The following DCC variants were observed in gnomAD, a reference collection of about 807,000 sequenced individuals.
The protein encoded by DCC is netrin receptor DCC.
In DCC, 58 loss-of-function variants were observed where a neutral mutation model predicts 172.5. That is an observed-to-expected ratio of 0.34 (90% CI 0.27 to 0.42). The LOEUF is 0.42. Ranked by LOEUF, DCC falls within the 10% of genes least tolerant of loss-of-function variation. The probability of loss-of-function intolerance (pLI) is 1.00; values close to 1 mark genes in which losing one functional copy is unlikely to be tolerated. For synonymous variants in DCC, 709 were observed against 644.5 expected (o/e 1.10, Z -1.52); for missense variants, 1,740 against 1,791.0 (o/e 0.97, Z 0.51).
chr18:53,486,773 C>A (rs757557630), intron 25 of DCC, 24 bp from the exon 26 acceptor site: 21 of 1,613,990 alleles, frequency 1.3e-5, no homozygotes, highest in East Asian at 2.2e-5. Context: ...GTTCAAAAAA[C>A]CCATTAACCT....
At chr18:53,227,015 T>C (rs2056043874) in intron 12 of DCC, among the ~76,000 whole-genome samples, 1 of 145,924 alleles carries the variant, frequency 6.9e-6, no homozygotes, top group Non-Finnish European at 1.5e-5. Context: ...AGTGGTGTGA[T>C]CTTGACTCAG....
intron 5 of DCC, among the ~76,000 whole-genome samples, chr18:52,974,937 G>A (rs1470261184): frequency 6.6e-6 from 1 of 152,150 alleles, no homozygotes; most frequent in Non-Finnish European, 1.5e-5. Flanking sequence ...TATGTTAAAA[G>A]TTTGTTAGAT....
Position 52,362,019 on chromosome 18 carries a change from C to A in DCC, c.91+21141C>A, listed in dbSNP as rs182603742. Among the ~76,000 whole-genome samples, 10 of 152,304 alleles carry A rather than the reference C, an allele frequency of 6.6e-5. No individual in the cohort carries two copies. The East Asian group carries it at 1.9e-3, about 29-fold the overall frequency. On this transcript the variant is annotated intron_variant, in intron 1 of 28. Coordinates refer to ENST00000442544, the MANE Select transcript of DCC (RefSeq NM_005215.4). ...ATTCTCATCCATACCTCTGAAGTCCCAAGGCACTAAAGACCACATTGATTG... is the reference window on the plus strand; with the variant it reads ...ATTCTCATCCATACCTCTGAAGTCCAAAGGCACTAAAGACCACATTGATTG...
rs570869189 is a variant in DCC, at chr18:52,431,917, A to G, written c.91+91039A>G. On this transcript the variant is annotated intron_variant, in intron 1 of 28. Coordinates refer to ENST00000442544, the MANE Select transcript of DCC (RefSeq NM_005215.4). Reference sequence around the variant, plus strand: ...TCGCCTGATGATCCCTTGGAGCTCAACTAGAGAAATCATCCCTCAGACTCT... The same window carrying G: ...TCGCCTGATGATCCCTTGGAGCTCAGCTAGAGAAATCATCCCTCAGACTCT... Among the ~76,000 whole-genome samples the G allele has an allele frequency of 1.9e-4, 29 of 152,282 alleles. 2 individuals carry two copies. The South Asian group carries it at 6.0e-3, about 32-fold the overall frequency.
At chr18:52,400,939 G>GT (rs1986413686) in intron 1 of DCC, among the ~76,000 whole-genome samples, 1 of 151,784 alleles carries the variant, frequency 6.6e-6, no homozygotes, top group Admixed American at 6.6e-5. Flanking sequence ...ACCAAGGCCT[G>GT]TTGAGGGGTG....
At chr18:52,930,596 A>G (rs2040292624) in intron 5 of DCC, among the ~76,000 whole-genome samples, 1 of 152,150 alleles carries the variant, frequency 6.6e-6, no homozygotes, top group African/African-American at 2.4e-5. Context: ...ATATCTAAAC[A>G]TTTTATAAAA....
At chr18:52,444,620 G>A (rs909253547) in intron 1 of DCC, among the ~76,000 whole-genome samples, 4 of 152,126 alleles carry the variant, frequency 2.6e-5, no homozygotes, top group African/African-American at 9.7e-5. Flanking sequence ...GTTTATAGCA[G>A]GAGGGAAAGG....
intron 27 of DCC, among the ~76,000 whole-genome samples, chr18:53,519,912 C>CTAAT (rs1473038483): frequency 6.6e-6 from 1 of 151,918 alleles, no homozygotes; most frequent in Non-Finnish European, 1.5e-5. Context: ...GTGTTTTTTC[C>CTAAT]TAATTGCCAT....
chr18:52,513,520 A>G (rs1179300241), intron 1 of DCC, among the ~76,000 whole-genome samples: 1 of 152,132 alleles, frequency 6.6e-6, no homozygotes, highest in Non-Finnish European at 1.5e-5. Flanking sequence ...CTTCAAACAA[A>G]CCTATAAGTA....
chr18:52,342,226 C>T (rs75543564), intron 1 of DCC, among the ~76,000 whole-genome samples: 2,867 of 152,262 alleles, frequency 0.019, 94 homozygotes, highest in African/African-American at 0.066. Context: ...CTCAGCTCCT[C>T]ATCTTCCTTT....
In DCC at chr18:53,294,324, G is replaced by T. The variant is rs984572395; in HGVS notation, c.1912-11254G>T. Among the ~76,000 whole-genome samples, 3 of 152,184 alleles carry T rather than the reference G, an allele frequency of 2.0e-5. No individual in the cohort carries two copies. The South Asian group carries it at 6.2e-4, about 31-fold the overall frequency. ...GGAGTTCAGAGCCAGTGGCAGGAGG[G>T]CTGTGCCCTAAACCAGAAGAAGTGA... On this transcript the variant is annotated intron_variant, in intron 12 of 28. Transcript: ENST00000442544.
intron 1 of DCC, among the ~76,000 whole-genome samples, chr18:52,680,193 G>A (rs1599013398): frequency 6.6e-6 from 1 of 152,100 alleles, no homozygotes; most frequent in Non-Finnish European, 1.5e-5. Context: ...TGAGGAAAAA[G>A]CTATAAACAG....
chr18:52,911,639 G>C (rs532361315), intron 3 of DCC, among the ~76,000 whole-genome samples: 1 of 152,024 alleles, frequency 6.6e-6, no homozygotes. Flanking sequence ...TTTGAGCAAT[G>C]AATACACTGA....
At chr18:52,540,681 A>G (rs1343306899) in intron 1 of DCC, among the ~76,000 whole-genome samples, 2 of 125,894 alleles carry the variant, frequency 1.6e-5, no homozygotes, top group African/African-American at 6.2e-5. Context: ...ATCTCGGCTC[A>G]CTGCAAGCTC....
intron 12 of DCC, among the ~76,000 whole-genome samples, chr18:53,260,574 G>A (rs769595977): frequency 5.3e-5 from 8 of 152,224 alleles, no homozygotes; most frequent in Non-Finnish European, 8.8e-5. Context: ...GTTTTGTCTC[G>A]GAGGAGTACC....
At chr18:52,454,777 A>G (rs796157294) in intron 1 of DCC, among the ~76,000 whole-genome samples, 8 of 152,310 alleles carry the variant, frequency 5.3e-5, no homozygotes, top group African/African-American at 1.4e-4. Context: ...CATTTCTAAC[A>G]TTTGTAAGGA....
intron 8 of DCC, among the ~76,000 whole-genome samples, chr18:53,170,929 A>G (rs2055004764): frequency 6.6e-6 from 1 of 152,124 alleles, no homozygotes; most frequent in Non-Finnish European, 1.5e-5. Flanking sequence ...TCTGTCACCC[A>G]AGCTGGAGTG....
chr18:53,046,028 A>G (rs2042233240), intron 5 of DCC, among the ~76,000 whole-genome samples: 1 of 151,826 alleles, frequency 6.6e-6, no homozygotes, highest in Non-Finnish European at 1.5e-5. Flanking sequence ...ATCCTCACTT[A>G]TAAAGCAGTG....
At chr18:53,289,270 T>C (rs2056971573) in intron 12 of DCC, among the ~76,000 whole-genome samples, 1 of 152,178 alleles carries the variant, frequency 6.6e-6, no homozygotes, top group Non-Finnish European at 1.5e-5. Flanking sequence ...AAAACTATTT[T>C]GCAGTTTCTA....
Sources: allele counts gnomAD v4.1 joint callset (sites outside exome capture counted in the v4.1 genomes callset), GRCh38; gene constraint gnomAD v4.1.1; transcripts MANE v1.5; gene names NCBI Gene and HGNC (gene_info 2026-07-23, HGNC 2026-07-21).